SLC9C1: variants seen among roughly 807,000 people sequenced by gnomAD.
SLC9C1 encodes solute carrier family 9 member C1, also known as sodium/hydrogen exchanger 10.
Under a neutral mutation model 140.9 loss-of-function variants are expected in SLC9C1, and 97 were observed. The observed-to-expected ratio is 0.69, with a 90% CI of 0.58 to 0.82. The LOEUF is 0.82. SLC9C1 is among the 40% of genes least tolerant of loss of function. SLC9C1 has a pLI of 0.00. For missense variants in SLC9C1, 1,340 were observed against 1,389.3 expected, an observed-to-expected ratio of 0.96 and a Z score of 0.56; for synonymous variants, 440 against 442.6, an observed-to-expected ratio of 0.99 and a Z score of 0.07.
intron 2 of SLC9C1, among the ~76,000 whole-genome samples, chr3:112,283,681 G>A (rs998098331): frequency 1.3e-5 from 2 of 151,808 alleles, no homozygotes; most frequent in African/African-American, 4.8e-5. Context: ...TTTAGATACA[G>A]GCAGTCCTTG....
In SLC9C1 at chr3:112,179,589, A is replaced by G; in HGVS notation, c.2861T>C (p.Ile954Thr). The G allele has an allele frequency of 6.2e-7, 1 of 1,612,028 alleles. No individual in the cohort carries two copies. The highest frequency in any genetic ancestry group is 8.5e-7 in the Non-Finnish European group (1 of 1,179,284). The change falls in exon 23 of 29, where the codon ATA becomes ACA. Residue 954 changes from isoleucine to threonine, a missense_variant. Coordinates refer to ENST00000305815, the MANE Select transcript of SLC9C1 (RefSeq NM_183061.3). ...YMLSGEIIGE[I>T]NCLTNEPMKY... ...CATAGGTTCATTAGTTAAGCAGTTT[A>G]TCTCTCCTATTATTTCTCCACTGAG...
At chr3:112,284,298 T>C (rs923329486) in intron 2 of SLC9C1, among the ~76,000 whole-genome samples, 1 of 152,208 alleles carries the variant, frequency 6.6e-6, no homozygotes, top group Non-Finnish European at 1.5e-5. Flanking sequence ...CTTGTTTGGA[T>C]TGAAGACTAA....
At chr3:112,164,607 CTCT>C (rs1304138176) in intron 26 of SLC9C1, among the ~76,000 whole-genome samples, 9 of 151,014 alleles carry the variant, frequency 6.0e-5, no homozygotes, top group Non-Finnish European at 1.3e-4. Flanking sequence ...GGCCCCCACT[CTCT>C]TCTTGCTTGT....
chr3:112,219,786 G>A (rs2078489987), intron 14 of SLC9C1, among the ~76,000 whole-genome samples: 1 of 151,918 alleles, frequency 6.6e-6, no homozygotes, highest in Non-Finnish European at 1.5e-5. Flanking sequence ...TCACCATATT[G>A]GTCAGGCTGG....
At chr3:112,189,140 G>A (rs1420089900) in intron 20 of SLC9C1, among the ~76,000 whole-genome samples, 15 of 152,294 alleles carry the variant, frequency 9.8e-5, no homozygotes, top group African/African-American at 3.6e-4. Flanking sequence ...CCCTTTGTCA[G>A]ATGGGTAGAT....
At position 112,266,358 on chromosome 3, in the gene SLC9C1, TA is replaced by T; in HGVS notation, c.776-19del. The T allele has an allele frequency of 6.4e-7, 1 of 1,557,284 alleles. No homozygotes were observed. The highest frequency in any genetic ancestry group is 8.8e-7 in the Non-Finnish European group (1 of 1,142,438). On this transcript the variant is annotated intron_variant, in intron 7 of 28. Coordinates refer to ENST00000305815, the MANE Select transcript of SLC9C1 (RefSeq NM_183061.3). ...TAACTCACCTATTTTTAAAAAGAAATAAATATAAAGTATTAATTTAACATCA... is the reference window on the plus strand; with the variant it reads ...TAACTCACCTATTTTTAAAAAGAAATAATATAAAGTATTAATTTAACATCA...
chr3:112,202,861 G>C (rs1560059802), intron 17 of SLC9C1, among the ~76,000 whole-genome samples: 1 of 151,910 alleles, frequency 6.6e-6, no homozygotes, highest in Non-Finnish European at 1.5e-5. Context: ...ACTTCTCTCT[G>C]TTTCTTTGCT....
intron 6 of SLC9C1, 115 bp downstream of exon 6, chr3:112,274,782 C>T: frequency 9.9e-7 from 1 of 1,008,984 alleles, no homozygotes; most frequent in East Asian, 3.2e-5. Flanking sequence ...TAAACCAATA[C>T]TCACTATTAT....
intron 10 of SLC9C1, 36 bp from the exon 11 acceptor site, chr3:112,244,112 A>G: frequency 7.6e-7 from 1 of 1,315,302 alleles, no homozygotes; most frequent in Non-Finnish European, 1.1e-6. Flanking sequence ...AGTATTCATG[A>G]CAATTTCATA....
At chr3:112,160,903 C>G (rs2075278089) in intron 26 of SLC9C1, among the ~76,000 whole-genome samples, 1 of 152,124 alleles carries the variant, frequency 6.6e-6, no homozygotes, top group African/African-American at 2.4e-5. Flanking sequence ...AAAAGTGTTC[C>G]TATTTCTCCA....
At chr3:112,152,698 G>A (rs373076583) in intron 27 of SLC9C1, among the ~76,000 whole-genome samples, 17 of 152,216 alleles carry the variant, frequency 1.1e-4, no homozygotes, top group East Asian at 3.9e-4. Flanking sequence ...AGGTCTCTGC[G>A]GCTTTCCACA....
chr3:112,164,158 A>G (rs1054597999), intron 26 of SLC9C1, among the ~76,000 whole-genome samples: 2 of 151,732 alleles, frequency 1.3e-5, no homozygotes, highest in African/African-American at 4.9e-5. Flanking sequence ...TTTGGAGCCT[A>G]TGTGTGTCTC....
chr3:112,189,451 C>T (rs1351363264), intron 20 of SLC9C1, among the ~76,000 whole-genome samples: 2 of 152,076 alleles, frequency 1.3e-5, no homozygotes, highest in African/African-American at 4.8e-5. Flanking sequence ...TACATATGGC[C>T]AGCCAGTTTT....
At chr3:112,189,004 A>T (rs1053480303) in intron 20 of SLC9C1, among the ~76,000 whole-genome samples, 9 of 152,086 alleles carry the variant, frequency 5.9e-5, no homozygotes, top group Non-Finnish European at 1.0e-4. Context: ...GCATTTTTTC[A>T]TGTATCTGTT....
chr3:112,231,891 C>T (rs1287106756), intron 12 of SLC9C1, among the ~76,000 whole-genome samples: 1 of 152,056 alleles, frequency 6.6e-6, no homozygotes, highest in Non-Finnish European at 1.5e-5. Flanking sequence ...GAGGAGTGGG[C>T]GTCAATCTGT....
At chr3:112,186,498 TC>T (rs1305445749) in intron 20 of SLC9C1, among the ~76,000 whole-genome samples, 2 of 152,160 alleles carry the variant, frequency 1.3e-5, no homozygotes, top group African/African-American at 4.8e-5. Context: ...TGTGAGTAGA[TC>T]AAGTCAATAT....
chr3:112,154,824 T>C (rs2075081954), intron 27 of SLC9C1, among the ~76,000 whole-genome samples, 173 bp downstream of exon 27: 1 of 152,150 alleles, frequency 6.6e-6, no homozygotes, highest in African/African-American at 2.4e-5. Context: ...TCCCTAAAAA[T>C]AAGTATAATT....
At chr3:112,153,606 G>T (rs1172269459) in intron 27 of SLC9C1, among the ~76,000 whole-genome samples, 1 of 152,198 alleles carries the variant, frequency 6.6e-6, no homozygotes, top group African/African-American at 2.4e-5. Flanking sequence ...AAGAATAATG[G>T]AAACTGTGTA....
At chr3:112,275,972 A>G (rs2080203388) in intron 5 of SLC9C1, among the ~76,000 whole-genome samples, 1 of 152,066 alleles carries the variant, frequency 6.6e-6, no homozygotes, top group African/African-American at 2.4e-5. Context: ...CTCTGTAGGA[A>G]TATAAGAGAT....
Sources: allele counts gnomAD v4.1 joint callset (sites outside exome capture counted in the v4.1 genomes callset), GRCh38; gene constraint gnomAD v4.1.1; transcripts MANE v1.5; gene names NCBI Gene and HGNC (gene_info 2026-07-23, HGNC 2026-07-21).